WDPCP: variants seen among roughly 807,000 people sequenced by gnomAD.
WDPCP encodes WD repeat-containing and planar cell polarity effector protein fritz homolog.
A neutral mutation model predicts 93.1 loss-of-function variants in WDPCP; 71 were observed. That is an observed-to-expected ratio of 0.76 (90% CI 0.63 to 0.93). The LOEUF (loss-of-function observed/expected upper bound fraction) is 0.93. Among genes scored for constraint, WDPCP ranks in the 40% least tolerant of loss-of-function variants. The pLI, the probability that WDPCP is intolerant of heterozygous loss-of-function variation, is 0.00. For missense variants in WDPCP, 844 were observed against 887.4 expected, an observed-to-expected ratio of 0.95 and a Z score of 0.62; for synonymous variants, 315 against 315.0, an observed-to-expected ratio of 1.00 and a Z score of 0.00.
chr2:63,650,482 C>T (rs1256684700), intron 3 of WDPCP, among the ~76,000 whole-genome samples: 1 of 152,168 alleles, frequency 6.6e-6, no homozygotes, highest in Admixed American at 6.5e-5. Flanking sequence ...ACTGGAGTTT[C>T]CCATGGCTTC....
At chr2:63,200,233 T>C (rs2104321869) in intron 14 of WDPCP, among the ~76,000 whole-genome samples, 1 of 152,274 alleles carries the variant, frequency 6.6e-6, no homozygotes, top group African/African-American at 2.4e-5. Context: ...ACTCATGCAT[T>C]GTTGGTGGGA....
At chr2:63,338,188 T>TG (rs1194345071) in intron 12 of WDPCP, among the ~76,000 whole-genome samples, 3 of 152,132 alleles carry the variant, frequency 2.0e-5, no homozygotes, top group Non-Finnish European at 2.9e-5. Context: ...TGGTGAGAGA[T>TG]GGGGTCTACC....
At chr2:63,436,711 G>C (rs1213516164) in intron 8 of WDPCP, among the ~76,000 whole-genome samples, 1 of 152,102 alleles carries the variant, frequency 6.6e-6, no homozygotes, top group African/African-American at 2.4e-5. Flanking sequence ...CTGTTGAAAA[G>C]AGGCCTTGAA....
intron 1 of WDPCP, among the ~76,000 whole-genome samples, chr2:63,560,662 G>A (rs767878777): frequency 1.3e-5 from 2 of 152,134 alleles, no homozygotes; most frequent in Admixed American, 6.6e-5. Context: ...ATACAAAAGG[G>A]TGAGTTTATG....
chr2:63,250,427 C>T (rs1680619774), intron 14 of WDPCP, among the ~76,000 whole-genome samples: 1 of 151,944 alleles, frequency 6.6e-6, no homozygotes, highest in Admixed American at 6.6e-5. Context: ...TAATTGATAC[C>T]ACAGAAAGGA....
At chr2:63,342,879 G>A (rs748012508) in intron 12 of WDPCP, among the ~76,000 whole-genome samples, 3 of 151,934 alleles carry the variant, frequency 2.0e-5, no homozygotes, top group Non-Finnish European at 4.4e-5. Flanking sequence ...ATTTCAGTCT[G>A]AAGAACTCCT....
chr2:63,501,275 G>A (rs1575535862), intron 1 of WDPCP, among the ~76,000 whole-genome samples: 1 of 152,140 alleles, frequency 6.6e-6, no homozygotes, highest in Non-Finnish European at 1.5e-5. Context: ...AAAAAATGAA[G>A]AGAGAAAGCC....
intron 6 of WDPCP, among the ~76,000 whole-genome samples, chr2:63,473,841 A>G (rs1699822855): frequency 6.6e-6 from 1 of 152,110 alleles, no homozygotes; most frequent in African/African-American, 2.4e-5. Flanking sequence ...GTGATTGAGG[A>G]TATTTTTATT....
intron 12 of WDPCP, among the ~76,000 whole-genome samples, chr2:63,351,766 T>C (rs936738092): frequency 6.6e-6 from 1 of 152,242 alleles, no homozygotes; most frequent in African/African-American, 2.4e-5. Context: ...GAATGATTTA[T>C]ATTCCTTTGG....
chr2:63,589,785 G>T (rs928322803), upstream of WDPCP, among the ~76,000 whole-genome samples: 6 of 152,154 alleles, frequency 3.9e-5, no homozygotes, highest in South Asian at 8.3e-4. Flanking sequence ...TGAAAGAGAG[G>T]GGGAGGGGGA....
intron 12 of WDPCP, among the ~76,000 whole-genome samples, chr2:63,359,141 T>G (rs907032369): frequency 1.4e-4 from 21 of 152,106 alleles, no homozygotes; most frequent in Middle Eastern, 3.2e-3. Context: ...CCTTGTATGT[T>G]CGTATCTCAA....
At chr2:63,172,707 A>G (rs2103992334) in intron 15 of WDPCP, among the ~76,000 whole-genome samples, 1 of 152,320 alleles carries the variant, frequency 6.6e-6, no homozygotes, top group Admixed American at 6.5e-5. Flanking sequence ...ATAATTGTAA[A>G]TAAAATGGAA....
At chr2:63,403,850 C>A (rs1469738118) in intron 10 of WDPCP, 198 bp downstream of exon 10, 1 of 682,812 alleles carries the variant, frequency 1.5e-6, no homozygotes, top group African/African-American at 1.8e-5. Context: ...GTGCAATTTA[C>A]AAATTATTCA....
chr2:63,647,708 G>GA (rs1370644008), intron 3 of WDPCP, among the ~76,000 whole-genome samples: 1 of 152,024 alleles, frequency 6.6e-6, no homozygotes, highest in South Asian at 2.1e-4. Flanking sequence ...TCAATATCCT[G>GA]GTTTTGATAT....
At chr2:63,577,105 G>A (rs727513) in intron 1 of WDPCP, among the ~76,000 whole-genome samples, 1 of 152,140 alleles carries the variant, frequency 6.6e-6, no homozygotes, top group African/African-American at 2.4e-5. Context: ...ATTCATTTTA[G>A]ATGCATATTT....
At chr2:63,606,580 G>C (rs1352353380) in intron 3 of WDPCP, among the ~76,000 whole-genome samples, 1 of 151,814 alleles carries the variant, frequency 6.6e-6, no homozygotes, top group Non-Finnish European at 1.5e-5. Context: ...CCTACAAATA[G>C]TATATTTCTA....
intron 14 of WDPCP, among the ~76,000 whole-genome samples, chr2:63,213,277 C>T (rs550929144): frequency 4.6e-5 from 7 of 152,320 alleles, no homozygotes; most frequent in Admixed American, 2.6e-4. Flanking sequence ...AACTGTCTCT[C>T]AGACCACAGG....
At chr2:63,772,363 T>C (rs1258689553) in intron 2 of WDPCP, among the ~76,000 whole-genome samples, 1 of 152,046 alleles carries the variant, frequency 6.6e-6, no homozygotes, top group African/African-American at 2.4e-5. Flanking sequence ...TTGCTCACTC[T>C]TTAATGGGGT....
chr2:63,667,526 T>C (rs1386323039), intron 2 of WDPCP, among the ~76,000 whole-genome samples: 1 of 152,206 alleles, frequency 6.6e-6, no homozygotes, highest in Non-Finnish European at 1.5e-5. Context: ...TTTGGCCACT[T>C]TTCAAGGTGG....
Sources: gnomAD v4.1 joint callset for allele counts (sites outside exome capture counted in the v4.1 genomes callset) on GRCh38, gnomAD v4.1.1 for gene constraint, MANE v1.5 for transcripts, NCBI Gene and HGNC (gene_info 2026-07-23, HGNC 2026-07-21) for gene names.